The following KCND2 variants were observed in gnomAD, a reference collection of about 807,000 sequenced individuals.
KCND2 encodes A-type voltage-gated potassium channel KCND2.
KCND2 carries 16 observed loss-of-function variants against 54.4 expected under a neutral mutation model. That is an observed-to-expected ratio of 0.29 (90% confidence interval 0.20 to 0.45). The LOEUF is 0.45. KCND2 is among the 20% of genes least tolerant of loss of function. The pLI is 1.00. For synonymous variants in KCND2, 317 were observed against 310.7 expected (o/e 1.02, Z -0.21); for missense variants, 486 against 824.2 (o/e 0.59, Z 5.02).
Position 120,483,107 on chromosome 7 carries a change from A to G in KCND2, c.1115+207360A>G, listed in dbSNP as rs547315873. Among the ~76,000 whole-genome samples the G allele has an allele frequency of 4.6e-5, 7 of 152,298 alleles. No individual in the cohort carries two copies. The South Asian group carries it at 1.0e-3, about 23-fold the overall frequency. ...AGCATAGGTTCTTAATCAATGTCCT[A>G]TAGGGCTTTTCCAGATAAAGGTTTT... On this transcript the variant is annotated intron_variant, in intron 1 of 5. Transcript: ENST00000331113.
intron 1 of KCND2, among the ~76,000 whole-genome samples, chr7:120,285,261 A>G (rs1001012961): frequency 5.3e-5 from 8 of 152,094 alleles, no homozygotes; most frequent in Admixed American, 1.3e-4. Context: ...AAGGCTGAAC[A>G]TATCATAGCC....
intron 1 of KCND2, among the ~76,000 whole-genome samples, chr7:120,680,627 C>T (rs1447882832): frequency 6.6e-6 from 1 of 152,076 alleles, no homozygotes; most frequent in Non-Finnish European, 1.5e-5. Context: ...ATCTCTTTAA[C>T]CACTCACTCT....
At position 120,398,037 on chromosome 7, in the gene KCND2, ATT is replaced by A. The variant is rs1491481682; in HGVS notation, c.1115+122292_1115+122293del. On this transcript the variant is annotated intron_variant, in intron 1 of 5. Coordinates refer to ENST00000331113, the MANE Select transcript of KCND2 (RefSeq NM_012281.3). ...TATATATATATATATATATATATAT[ATT>A]TGCTCTTTTTCCAGCCAAATATGTT... Among the ~76,000 whole-genome samples, 299 of 88,428 alleles carry A rather than the reference ATT, an allele frequency of 3.4e-3. 2 individuals carry two copies. Among genetic ancestry groups the A allele is most frequent in the African/African-American group, 0.011 (288 of 25,774 alleles). The allele number at this position is 88,428 out of a possible 152,430, so 58.0% of individuals were successfully genotyped here.
intron 1 of KCND2, among the ~76,000 whole-genome samples, chr7:120,595,286 T>C (rs1792724199): frequency 2.0e-5 from 3 of 151,002 alleles, no homozygotes; most frequent in Non-Finnish European, 4.4e-5. Flanking sequence ...ACCCCATCTC[T>C]ACCAATGTAC....
intron 1 of KCND2, among the ~76,000 whole-genome samples, chr7:120,587,204 T>G (rs1452514919): frequency 2.0e-5 from 3 of 152,150 alleles, no homozygotes; most frequent in African/African-American, 7.2e-5. Flanking sequence ...AATAGACTTG[T>G]GACAAGTATG....
intron 1 of KCND2, among the ~76,000 whole-genome samples, chr7:120,725,580 AC>A (rs1175046903): frequency 6.6e-6 from 1 of 152,106 alleles, no homozygotes; most frequent in Non-Finnish European, 1.5e-5. Flanking sequence ...GCTTGTGAAA[AC>A]CAGCAAAGAC....
At chr7:120,589,711 G>A (rs189552210) in intron 1 of KCND2, among the ~76,000 whole-genome samples, 18 of 152,196 alleles carry the variant, frequency 1.2e-4, no homozygotes, top group Admixed American at 1.2e-3. Flanking sequence ...TTTAAGTGAA[G>A]AACAGAAATC....
chr7:120,362,110 G>A (rs528251764), intron 1 of KCND2, among the ~76,000 whole-genome samples: 15 of 152,184 alleles, frequency 9.9e-5, no homozygotes, highest in African/African-American at 3.6e-4. Flanking sequence ...TCATTTGATT[G>A]CAAGCCTTTC....
At position 120,595,483 on chromosome 7, in the gene KCND2, G is replaced by A. The variant is rs201394284; in HGVS notation, c.1116-137420G>A. On this transcript the variant is annotated intron_variant, in intron 1 of 5. Transcript: ENST00000331113. ...AAAATATATATATATATATATATGTGTATATATATATATATGTGTGTGTGT... is the reference window on the plus strand; with the variant it reads ...AAAATATATATATATATATATATGTATATATATATATATATGTGTGTGTGT... 1.6e-3 allele frequency among the ~76,000 whole-genome samples: 207 copies of A among 133,412 alleles called. 1 individual carries two copies. Among genetic ancestry groups the A allele is most frequent in the East Asian group, 4.2e-3 (20 of 4,744 alleles). 87.5% of individuals were successfully genotyped at this position (133,412 alleles called of 152,430 possible). A position where few individuals can be genotyped will look rare whatever the true frequency, so the allele number is the denominator to read the frequency against.
In KCND2 at chr7:120,330,581, CAAAAAAAAA is replaced by C. The variant is rs3067024; in HGVS notation, c.1115+54852_1115+54860del. Among the ~76,000 whole-genome samples, 11 of 48,388 alleles carry C rather than the reference CAAAAAAAAA, an allele frequency of 2.3e-4. No homozygotes were observed. The East Asian group carries it at 5.9e-3, about 26-fold the overall frequency. The allele number at this position is 48,388 out of a possible 152,430, so 31.7% of individuals were successfully genotyped here. On this transcript the variant is annotated intron_variant, in intron 1 of 5. Coordinates refer to ENST00000331113, the MANE Select transcript of KCND2 (RefSeq NM_012281.3). Reference sequence around the variant, plus strand: ...GGGTGACAAGAGCAAAACTCTGTCTCAAAAAAAAAAAAAAAAAAAAAAAAAAGTTAGCTA... The same window carrying C: ...GGGTGACAAGAGCAAAACTCTGTCTCAAAAAAAAAAAAAAAAAGTTAGCTA...
chr7:120,290,973 G>T (rs1384508435), intron 1 of KCND2, among the ~76,000 whole-genome samples: 1 of 151,850 alleles, frequency 6.6e-6, no homozygotes, highest in Non-Finnish European at 1.5e-5. Context: ...AGATTTATTT[G>T]GCACTCATAT....
At chr7:120,381,217 T>C (rs954276251) in intron 1 of KCND2, among the ~76,000 whole-genome samples, 4 of 152,092 alleles carry the variant, frequency 2.6e-5, no homozygotes, top group Non-Finnish European at 5.9e-5. Context: ...ATCACGCCAC[T>C]GTACTCCAGC....
In KCND2 at chr7:120,726,458, A is replaced by G. The variant is rs560851098; in HGVS notation, c.1116-6445A>G. On this transcript the variant is annotated intron_variant, in intron 1 of 5. Coordinates refer to ENST00000331113, the MANE Select transcript of KCND2 (RefSeq NM_012281.3). The stretch of plus-strand genomic sequence containing the variant: ...GAATAACATAGATACTCAGACCCTA[A>G]GGGGTAGAATTACTAGTTACAAAGT... Among the ~76,000 whole-genome samples, 111 of 152,290 alleles carry G rather than the reference A, an allele frequency of 7.3e-4. 3 individuals are homozygous for G. Among genetic ancestry groups the G allele is most frequent in the African/African-American group, 2.5e-3 (104 of 41,588 alleles).
chr7:120,552,368 A>G (rs1792113709), intron 1 of KCND2, among the ~76,000 whole-genome samples: 1 of 152,210 alleles, frequency 6.6e-6, no homozygotes, highest in Non-Finnish European at 1.5e-5. Flanking sequence ...GGGAGGAAGT[A>G]TATATTTTCT....
At chr7:120,697,995 A>G (rs1331076407) in intron 1 of KCND2, among the ~76,000 whole-genome samples, 1 of 150,538 alleles carries the variant, frequency 6.6e-6, no homozygotes, top group East Asian at 1.9e-4. Context: ...TATTTTAGGG[A>G]AGCATATTTG....
At chr7:120,410,498 G>A (rs756793002) in intron 1 of KCND2, among the ~76,000 whole-genome samples, 28 of 151,780 alleles carry the variant, frequency 1.8e-4, no homozygotes, top group African/African-American at 4.3e-4. Context: ...ATAGTGTGTC[G>A]TCTAATCCAC....
At chr7:120,563,118 G>GT (rs1792255538) in intron 1 of KCND2, among the ~76,000 whole-genome samples, 1 of 152,106 alleles carries the variant, frequency 6.6e-6, no homozygotes, top group Non-Finnish European at 1.5e-5. Context: ...AGGTTCTAAT[G>GT]TTATTAACGT....
At chr7:120,290,707 A>G (rs1269361820) in intron 1 of KCND2, among the ~76,000 whole-genome samples, 1 of 151,958 alleles carries the variant, frequency 6.6e-6, no homozygotes, top group Non-Finnish European at 1.5e-5. Context: ...AATATCCTGT[A>G]CATTAAGAGC....
intron 2 of KCND2, among the ~76,000 whole-genome samples, chr7:120,737,218 A>G (rs1406896787): frequency 6.6e-6 from 1 of 152,028 alleles, no homozygotes; most frequent in East Asian, 1.9e-4. Context: ...GGAAGACCAC[A>G]TTTTGAGAAC....
Sources: gnomAD v4.1 joint callset for allele counts (sites outside exome capture counted in the v4.1 genomes callset) on GRCh38, gnomAD v4.1.1 for gene constraint, MANE v1.5 for transcripts, NCBI Gene and HGNC (gene_info 2026-07-23, HGNC 2026-07-21) for gene names.